Variants in LGMN observed in about 807,000 individuals in gnomAD.
LGMN encodes asparaginyl endopeptidase.
A neutral mutation model predicts 56.8 loss-of-function variants in LGMN; 36 were observed. The ratio of observed to expected loss-of-function variants is 0.63; its 90% confidence interval spans 0.49 to 0.84. The LOEUF is 0.84. Ranked by LOEUF, LGMN falls within the 40% of genes least tolerant of loss-of-function variation. LGMN has a pLI of 0.00. For synonymous variants in LGMN, 199 were observed against 210.1 expected, an observed-to-expected ratio of 0.95 and a Z score of 0.46; for missense variants, 446 against 556.1, an observed-to-expected ratio of 0.80 and a Z score of 1.99.
In LGMN at chr14:92,719,368, ACCACCAACACCG is replaced by A. The variant is rs200589200; in HGVS notation, c.139-536_139-525del. On this transcript the variant is annotated intron_variant, in intron 2 of 13. Coordinates refer to ENST00000334869, the MANE Select transcript of LGMN (RefSeq NM_005606.7). ...CGCCACCACCACCAACACCACCACC[ACCACCAACACCG>A]CCACCAACACCGCCACCAACACCGC... Among the ~76,000 whole-genome samples, 1,279 of 135,944 alleles carry A rather than the reference ACCACCAACACCG, an allele frequency of 9.4e-3. 58 individuals are homozygous for A. In the East Asian group the frequency reaches 0.12, roughly 13 times the overall value. The allele number at this position is 135,944 out of a possible 152,430, so 89.2% of individuals were successfully genotyped here.
At chr14:92,716,967 C>T (rs1338956276) in intron 4 of LGMN, among the ~76,000 whole-genome samples, 1 of 151,944 alleles carries the variant, frequency 6.6e-6, no homozygotes, top group East Asian at 1.9e-4. Flanking sequence ...ATATAATAAA[C>T]TATATAACAA....
intron 11 of LGMN, among the ~76,000 whole-genome samples, chr14:92,708,969 T>C (rs1889594083): frequency 6.6e-6 from 1 of 151,966 alleles, no homozygotes; most frequent in Admixed American, 6.6e-5. Context: ...GAGTTGGCTT[T>C]GTGGGAAGGG....
chr14:92,745,611 C>G (rs548469785), intron 1 of LGMN, among the ~76,000 whole-genome samples: 1 of 152,302 alleles, frequency 6.6e-6, no homozygotes, highest in African/African-American at 2.4e-5. Flanking sequence ...CAAGCATTCC[C>G]CTAGTAATGG....
intron 2 of LGMN, among the ~76,000 whole-genome samples, chr14:92,731,266 C>A (rs1051292538): frequency 2.0e-5 from 3 of 152,168 alleles, no homozygotes; most frequent in Admixed American, 2.0e-4. Context: ...CTGAGACTGA[C>A]AAGATTAAAT....
intron 1 of LGMN, among the ~76,000 whole-genome samples, chr14:92,740,568 T>C (rs921033402): frequency 6.6e-6 from 1 of 152,172 alleles, no homozygotes; most frequent in Non-Finnish European, 1.5e-5. Context: ...TGTGAAAGTC[T>C]GGGAGGCCCC....
At chr14:92,710,708 C>T (rs998852618) in intron 10 of LGMN, among the ~76,000 whole-genome samples, 32 of 152,348 alleles carry the variant, frequency 2.1e-4, no homozygotes, top group Non-Finnish European at 5.9e-5. Flanking sequence ...ATGATGAGGA[C>T]ACTGTGAAGA....
At position 92,706,496 on chromosome 14, in the gene LGMN, C is replaced by A; in HGVS notation, c.1178G>T (p.Trp393Leu). 6.4e-7 allele frequency: 1 copy of A among 1,552,182 alleles called. No individual in the cohort carries two copies. Among genetic ancestry groups the A allele is most frequent in the Non-Finnish European group, 8.8e-7 (1 of 1,137,582 alleles). ...CTGCTGGCTCACCGTGGGGGAGTGC[C>A]AGTTGAAGCAGTGGGTCCGGAAGTG... is the stretch of plus-strand genomic sequence containing the variant. ...LLHFRTHCFN[W>L]HSPTYEYALR... The change falls in exon 12 of 14, where the codon TGG becomes TTG. Residue 393 changes from tryptophan to leucine, a missense_variant. Coordinates refer to ENST00000334869, the MANE Select transcript of LGMN (RefSeq NM_005606.7).
At chr14:92,736,881 G>A (rs1027736081) in intron 1 of LGMN, among the ~76,000 whole-genome samples, 5 of 152,160 alleles carry the variant, frequency 3.3e-5, no homozygotes, top group Non-Finnish European at 2.9e-5. Context: ...ATACAAACTT[G>A]TGAAGAAGCA....
At chr14:92,728,102 T>C (rs945793826) in intron 2 of LGMN, among the ~76,000 whole-genome samples, 1 of 152,322 alleles carries the variant, frequency 6.6e-6, no homozygotes, top group East Asian at 1.9e-4. Context: ...TATCATAGAA[T>C]GTATTTACAC....
Position 92,706,588 on chromosome 14 carries a change from C to T in LGMN, c.1086G>A (p.Glu362=). Residue 362 remains glutamate, a synonymous_variant, in exon 12 of 14, where the codon GAG becomes GAA. Transcript: ENST00000334869. ...CTCTCTCGGACAGGAGCTGCTCCAC[C>T]TCAGCCTCGGACGCTGCCAGCAAGG... ...IVSLLAASEA[E]VEQLLSERAP... 1 of 1,604,694 alleles carries T rather than the reference C, an allele frequency of 6.2e-7. No homozygotes were observed. The highest frequency in any genetic ancestry group is 8.5e-7 in the Non-Finnish European group (1 of 1,172,356).
In LGMN at chr14:92,705,064, G is replaced by A. The variant is rs1331962787; in HGVS notation, c.1192-357C>T. 2.0e-5 allele frequency among the ~76,000 whole-genome samples: 3 copies of A among 152,230 alleles called. No homozygotes were observed. The East Asian group carries it at 5.8e-4, about 29-fold the overall frequency. On this transcript the variant is annotated intron_variant, in intron 12 of 13. Transcript: ENST00000334869. ...GGAGGGACACGCCAGCGAGGGAGAT[G>A]GACGGCGTGTGAAAGCCACGCTGGA...
intron 2 of LGMN, among the ~76,000 whole-genome samples, chr14:92,721,218 CT>C (rs1890459893): frequency 6.6e-6 from 1 of 152,140 alleles, no homozygotes; most frequent in Non-Finnish European, 1.5e-5. Flanking sequence ...ATCACAAAGG[CT>C]TTTGTATGTG....
At chr14:92,719,269 G>GCCACCGCCACCACCGCCA (rs1400244430) in intron 2 of LGMN, among the ~76,000 whole-genome samples, 1 of 15,582 alleles carries the variant, frequency 6.4e-5, no homozygotes, top group Non-Finnish European at 1.1e-4. Context: ...CGCCACCGCC[G>GCCACCGCCACCACCGCCA]CCGCCGCCAC....
At chr14:92,719,631 G>A (rs939073388) in intron 2 of LGMN, among the ~76,000 whole-genome samples, 2 of 152,118 alleles carry the variant, frequency 1.3e-5, no homozygotes, top group African/African-American at 4.8e-5. Flanking sequence ...AGAACTGACT[G>A]AACACTCAAA....
intron 5 of LGMN, among the ~76,000 whole-genome samples, chr14:92,715,084 C>T (rs1295711155): frequency 6.6e-6 from 1 of 151,186 alleles, no homozygotes; most frequent in Non-Finnish European, 1.5e-5. Flanking sequence ...CTGTAACTTC[C>T]GCCTCCCAGG....
intron 2 of LGMN, among the ~76,000 whole-genome samples, chr14:92,723,174 G>A (rs971032698): frequency 2.0e-5 from 3 of 152,056 alleles, no homozygotes; most frequent in Non-Finnish European, 2.9e-5. Flanking sequence ...AGCCTCCTGA[G>A]TAGCTGGGAT....
chr14:92,745,265 C>T (rs1891767538), intron 1 of LGMN, among the ~76,000 whole-genome samples: 1 of 152,202 alleles, frequency 6.6e-6, no homozygotes, highest in African/African-American at 2.4e-5. Flanking sequence ...AAACCTGGGA[C>T]CAGTGCAGTT....
intron 2 of LGMN, among the ~76,000 whole-genome samples, chr14:92,722,773 T>G (rs181554426): frequency 6.6e-6 from 1 of 152,292 alleles, no homozygotes; most frequent in East Asian, 1.9e-4. Flanking sequence ...GAGCCAAAAA[T>G]AGGCAAAAGA....
intron 4 of LGMN, among the ~76,000 whole-genome samples, chr14:92,717,119 G>A (rs1890111237): frequency 6.6e-6 from 1 of 152,194 alleles, no homozygotes; most frequent in Non-Finnish European, 1.5e-5. Context: ...TAATATGGAT[G>A]AAACTACATG....
Sources: gnomAD v4.1 joint callset for allele counts (sites outside exome capture counted in the v4.1 genomes callset) on GRCh38, gnomAD v4.1.1 for gene constraint, MANE v1.5 for transcripts, NCBI Gene and HGNC (gene_info 2026-07-23, HGNC 2026-07-21) for gene names.